Variants in TTLL5 observed in about 807,000 individuals in gnomAD.
The protein encoded by TTLL5 is tubulin tyrosine ligase like 5.
TTLL5 carries 132 observed loss-of-function variants against 168.4 expected under a neutral mutation model. The observed-to-expected ratio is 0.78, with a 90% CI of 0.68 to 0.91. The LOEUF (loss-of-function observed/expected upper bound fraction) is 0.91, where lower values mean the gene tolerates loss of function less well. TTLL5 is among the 40% of genes least tolerant of loss of function. TTLL5 has a pLI of 0.00. For synonymous variants in TTLL5, 546 were observed against 558.6 expected, an observed-to-expected ratio of 0.98 and a Z score of 0.32; for missense variants, 1,545 against 1,581.5, an observed-to-expected ratio of 0.98 and a Z score of 0.39.
At chr14:75,854,006 G>A (rs1897007055) in intron 28 of TTLL5, among the ~76,000 whole-genome samples, 1 of 151,948 alleles carries the variant, frequency 6.6e-6, no homozygotes, top group Non-Finnish European at 1.5e-5. Flanking sequence ...CCATGCCACT[G>A]CCCTCCAGTC....
intron 31 of TTLL5, chr14:75,902,675 T>C: frequency 2.2e-6 from 1 of 455,384 alleles, no homozygotes. Context: ...TGGTCTTTGA[T>C]CTACGTGTTG....
chr14:75,661,258 G>T lies in TTLL5; in HGVS notation c.-225G>T, dbSNP rs1340445290. The stretch of plus-strand genomic sequence containing the variant: ...AGTGGCTCCGAGCGGGCGGTTGCTT[G>T]TTGGTTGTTGTAGTAACCGGGGAAG... On this transcript the variant is annotated 5_prime_UTR_variant, in exon 1 of 32. Transcript: ENST00000298832. The T allele has an allele frequency of 6.6e-6, 1 of 152,278 alleles. No individual in the cohort carries two copies. Among genetic ancestry groups the T allele is most frequent in the African/African-American group, 2.4e-5 (1 of 41,474 alleles). The allele number at this position is 152,278 out of a possible 1,614,324, so 9.4% of individuals were successfully genotyped here.
intron 31 of TTLL5, among the ~76,000 whole-genome samples, chr14:75,930,861 T>C (rs1287150214): frequency 6.6e-6 from 1 of 152,198 alleles, no homozygotes; most frequent in Non-Finnish European, 1.5e-5. Flanking sequence ...TCACTCAGCT[T>C]AGAGAAATAT....
chr14:75,765,096 T>A (rs568527456), intron 19 of TTLL5, among the ~76,000 whole-genome samples: 2 of 152,244 alleles, frequency 1.3e-5, no homozygotes, highest in Non-Finnish European at 2.9e-5. Flanking sequence ...AGGTTTTTTA[T>A]AATTAGGTAA....
At chr14:75,809,230 C>T (rs951772637) in intron 27 of TTLL5, among the ~76,000 whole-genome samples, 6 of 152,124 alleles carry the variant, frequency 3.9e-5, no homozygotes, top group African/African-American at 1.4e-4. Flanking sequence ...TACCTTCACC[C>T]TCAATCAGGC....
At chr14:75,808,972 G>A (rs942077525) in intron 27 of TTLL5, among the ~76,000 whole-genome samples, 8 of 149,628 alleles carry the variant, frequency 5.3e-5, no homozygotes, top group African/African-American at 1.7e-4. Flanking sequence ...ATATATATAA[G>A]GAATATATAT....
intron 28 of TTLL5, among the ~76,000 whole-genome samples, chr14:75,857,522 T>A (rs1207662659): frequency 6.6e-6 from 1 of 152,166 alleles, no homozygotes; most frequent in Non-Finnish European, 1.5e-5. Context: ...GTACTATCTT[T>A]GTCAGATTTC....
chr14:75,766,597 G>A (rs949805922), intron 20 of TTLL5, among the ~76,000 whole-genome samples: 1 of 152,130 alleles, frequency 6.6e-6, no homozygotes, highest in African/African-American at 2.4e-5. Context: ...CTCATTGGTT[G>A]GGCATTTGTG....
At chr14:75,949,118 A>T (rs999533868) in intron 31 of TTLL5, among the ~76,000 whole-genome samples, 1 of 152,010 alleles carries the variant, frequency 6.6e-6, no homozygotes, top group African/African-American at 2.4e-5. Context: ...TTGATTGTAA[A>T]CCCAAAAAGA....
At chr14:75,712,120 A>G (rs1057422004) in intron 9 of TTLL5, 1 of 152,030 alleles carries the variant, frequency 6.6e-6, no homozygotes, top group Non-Finnish European at 1.5e-5. Context: ...CTGCCTAGTC[A>G]CTGCAGCGCT....
At chr14:75,724,621 G>A (rs1028645580) in intron 12 of TTLL5, among the ~76,000 whole-genome samples, 3 of 152,184 alleles carry the variant, frequency 2.0e-5, no homozygotes. Flanking sequence ...GAGTTAGTGA[G>A]TGAAATAACT....
At chr14:75,775,754 T>G in intron 22 of TTLL5, 124 bp downstream of exon 22, 1 of 1,202,322 alleles carries the variant, frequency 8.3e-7, no homozygotes, top group Middle Eastern at 2.5e-4. Context: ...TCACCATCCC[T>G]TATGTATTAC....
At chr14:75,865,976 C>T (rs1308362070) in intron 29 of TTLL5, among the ~76,000 whole-genome samples, 1 of 152,124 alleles carries the variant, frequency 6.6e-6, no homozygotes, top group Admixed American at 6.5e-5. Flanking sequence ...ACCCCGAACC[C>T]GTTCTTCTAA....
chr14:75,882,551 G>C (rs2031874648), intron 29 of TTLL5, 134 bp from the exon 30 acceptor site: 1 of 755,028 alleles, frequency 1.3e-6, no homozygotes, highest in East Asian at 2.7e-5. Context: ...CATTAGAGAA[G>C]TTTTTCCTTA....
chr14:75,878,593 A>C (rs2031629749), intron 29 of TTLL5, among the ~76,000 whole-genome samples: 1 of 152,220 alleles, frequency 6.6e-6, no homozygotes, highest in Non-Finnish European at 1.5e-5. Flanking sequence ...GAGGTTTAGA[A>C]ATGTATTTTC....
intron 29 of TTLL5, among the ~76,000 whole-genome samples, chr14:75,872,351 T>G (rs924168183): frequency 1.3e-5 from 2 of 152,240 alleles, no homozygotes; most frequent in Admixed American, 1.3e-4. Context: ...ATAAATTTGC[T>G]TTAGATATGT....
rs1358013960 is a variant in TTLL5, at chr14:75,771,734, C to A, written c.2016C>A (p.Ser672Arg). 1 of 1,613,130 alleles carries A rather than the reference C, an allele frequency of 6.2e-7. No individual in the cohort carries two copies. The change falls in exon 21 of 32, where the codon AGC becomes AGA. Residue 672 changes from serine to arginine, a missense_variant and splice_region_variant. Coordinates refer to ENST00000298832, the MANE Select transcript of TTLL5 (RefSeq NM_015072.5). ...GGTATGTTGTTTTGGATTTCTATAG[C>A]AAAATGCAGGCCCGAATAGCATTCT... is the stretch of plus-strand genomic sequence containing the variant. ...MQILQDNGNL[S>R]KMQARIAFSA... is the part of the protein sequence containing the mutation.
chr14:75,721,456 G>C (rs373535970), intron 12 of TTLL5, among the ~76,000 whole-genome samples: 13 of 152,332 alleles, frequency 8.5e-5, no homozygotes, highest in African/African-American at 3.1e-4. Context: ...GGTCTTTGAT[G>C]GGGAGGATGA....
chr14:75,757,757 G>A, intron 18 of TTLL5: 2 of 1,361,746 alleles, frequency 1.5e-6, no homozygotes, highest in Admixed American at 2.2e-5. Flanking sequence ...TTTCTGGAGT[G>A]CATGTGTGTG....
Sources: allele counts gnomAD v4.1 joint callset (sites outside exome capture counted in the v4.1 genomes callset), GRCh38; gene constraint gnomAD v4.1.1; transcripts MANE v1.5; gene names NCBI Gene and HGNC (gene_info 2026-07-23, HGNC 2026-07-21).